The following RAG1 variants were observed in gnomAD, a reference collection of about 807,000 sequenced individuals.
RAG1 encodes the protein recombination activating 1.
RAG1 carries 35 observed loss-of-function variants against 62.7 expected under a neutral mutation model. The ratio of observed to expected loss-of-function variants is 0.56; its 90% CI spans 0.43 to 0.74. The LOEUF is 0.74. RAG1 is among the 30% of genes least tolerant of loss of function. The pLI is 0.00. For missense variants in RAG1, 1,169 were observed against 1,278.6 expected (o/e 0.91, Z 1.31); for synonymous variants, 461 against 470.3 (o/e 0.98, Z 0.26).
At chr11:36,551,138 T>A (rs57273606) in intron 3 of RAG1, among the ~76,000 whole-genome samples, 6,375 of 152,234 alleles carry the variant, frequency 0.042, 436 homozygotes, top group African/African-American at 0.14. Flanking sequence ...AGGATTTAGT[T>A]GGATGATTAA....
chr11:36,536,647 T>C (rs1564979082), downstream of RAG1, among the ~76,000 whole-genome samples: 2 of 147,614 alleles, frequency 1.4e-5, no homozygotes, highest in Admixed American at 6.8e-5. Context: ...AGAAGAAAAA[T>C]AGCATAGGTA....
downstream of RAG1, among the ~76,000 whole-genome samples, chr11:36,537,125 C>T (rs1860343138): frequency 6.6e-6 from 1 of 151,962 alleles, no homozygotes; most frequent in Non-Finnish European, 1.5e-5. Flanking sequence ...AATCATTTTC[C>T]TAACTTTAGT....
intron 2 of RAG1, among the ~76,000 whole-genome samples, chr11:36,534,701 CTG>C (rs1393812819): frequency 6.6e-6 from 1 of 152,168 alleles, no homozygotes; most frequent in Non-Finnish European, 1.5e-5. Flanking sequence ...AGAATTGTGA[CTG>C]TTTTGCAATC....
At chr11:36,528,695 C>T (rs2133253723) in intron 2 of RAG1, among the ~76,000 whole-genome samples, 1 of 152,006 alleles carries the variant, frequency 6.6e-6, no homozygotes, top group South Asian at 2.1e-4. Flanking sequence ...TCAAAAAAAT[C>T]AATGAATCCA....
chr11:36,549,982 G>GCA (rs1221561541), intron 3 of RAG1, among the ~76,000 whole-genome samples: 1 of 152,082 alleles, frequency 6.6e-6, no homozygotes, highest in Admixed American at 6.6e-5. Context: ...AGATAAAGCT[G>GCA]GAAACCATCA....
intron 3 of RAG1, among the ~76,000 whole-genome samples, chr11:36,560,445 T>C (rs1272751871): frequency 6.6e-6 from 1 of 152,162 alleles, no homozygotes; most frequent in African/African-American, 2.4e-5. Context: ...AGTCTTGGAT[T>C]CCTGGCTTTG....
In RAG1 at chr11:36,573,351, A is replaced by G. The variant is rs751834545; in HGVS notation, c.47A>G (p.Asp16Gly). 1.4e-5 allele frequency: 23 copies of G among 1,614,072 alleles called. No individual in the cohort carries two copies. The Admixed American group carries it at 3.8e-4, about 27-fold the overall frequency. ...ACCTTGGGACTCAGTTCTGCCCCAG[A>G]TGAAATTCAGCACCCACATATTAAA... ...PPTLGLSSAP[D>G]EIQHPHIKFS... Residue 16 changes from aspartate (D) to glycine (G), a missense_variant, in exon 2 of 2, where the codon GAT (aspartate) becomes GGT (glycine). Physicochemically the swap from Asp to Gly is moderately conservative, Grantham distance 94. Coordinates refer to ENST00000299440, the MANE Select transcript of RAG1 (RefSeq NM_000448.3).
intron 1 of RAG1, among the ~76,000 whole-genome samples, chr11:36,517,296 C>A (rs995655939): frequency 6.6e-6 from 1 of 152,172 alleles, no homozygotes; most frequent in Non-Finnish European, 1.5e-5. Flanking sequence ...ACAGTATGAA[C>A]CAAATTGTCT....
chr11:36,546,144 TTC>T (rs1244711568), intron 3 of RAG1, among the ~76,000 whole-genome samples: 1 of 152,198 alleles, frequency 6.6e-6, no homozygotes, highest in Non-Finnish European at 1.5e-5. Flanking sequence ...CTTGTTAATT[TTC>T]TGTCTTGTTG....
At chr11:36,535,240 C>CATGT (rs1470932671) in intron 2 of RAG1, among the ~76,000 whole-genome samples, 1 of 151,614 alleles carries the variant, frequency 6.6e-6, no homozygotes, top group Non-Finnish European at 1.5e-5. Flanking sequence ...CAAGGTCTAT[C>CATGT]ATGTGATCAA....
chr11:36,579,253 C>T lies in RAG1; in HGVS notation c.*2817C>T, dbSNP rs188367509. On this transcript the variant is annotated 3_prime_UTR_variant, in exon 2 of 2. Coordinates refer to ENST00000299440, the MANE Select transcript of RAG1 (RefSeq NM_000448.3). ...GATAAGAGGCAGGATATATAAGCGC[C>T]AGTGGTAGTTGGGAGGAATAAACCA... 42 of 167,062 alleles carry T rather than the reference C, an allele frequency of 2.5e-4. No homozygotes were observed. The highest frequency in any genetic ancestry group is 7.7e-4 in the African/African-American group (32 of 41,514). The allele number at this position is 167,062 out of a possible 1,614,324, so 10.3% of individuals were successfully genotyped here. A position where few individuals can be genotyped will look rare whatever the true frequency, so the allele number is the denominator to read the frequency against.
At chr11:36,569,078 A>C (rs941450356) in intron 1 of RAG1, among the ~76,000 whole-genome samples, 4 of 152,208 alleles carry the variant, frequency 2.6e-5, no homozygotes, top group Non-Finnish European at 5.9e-5. Context: ...TTGTGGGCCA[A>C]GTAACGGGGT....
At chr11:36,523,372 A>G (rs1860111345) in intron 2 of RAG1, among the ~76,000 whole-genome samples, 1 of 152,184 alleles carries the variant, frequency 6.6e-6, no homozygotes, top group Non-Finnish European at 1.5e-5. Context: ...GCCTGCTGCC[A>G]TCCATGTAAG....
chr11:36,532,578 C>T (rs1335541722), intron 2 of RAG1, among the ~76,000 whole-genome samples: 3 of 152,050 alleles, frequency 2.0e-5, no homozygotes, highest in Non-Finnish European at 2.9e-5. Flanking sequence ...CATGATTAAC[C>T]GTGGCCCAAA....
chr11:36,522,150 C>T (rs550044072), intron 2 of RAG1, among the ~76,000 whole-genome samples: 1 of 152,320 alleles, frequency 6.6e-6, no homozygotes, highest in Non-Finnish European at 1.5e-5. Context: ...ATGTTAATCT[C>T]CAAGACAATG....
intron 1 of RAG1, among the ~76,000 whole-genome samples, chr11:36,568,921 A>G (rs1850698271): frequency 6.6e-6 from 1 of 152,222 alleles, no homozygotes; most frequent in African/African-American, 2.4e-5. Flanking sequence ...CATTTTTGAT[A>G]CATGATGTTT....
At chr11:36,521,686 G>A (rs1403681039) in intron 2 of RAG1, among the ~76,000 whole-genome samples, 1 of 152,176 alleles carries the variant, frequency 6.6e-6, no homozygotes, top group Non-Finnish European at 1.5e-5. Context: ...AGCTTGGAGG[G>A]CTCAGAAGAA....
At chr11:36,524,004 A>G (rs566250564) in intron 2 of RAG1, among the ~76,000 whole-genome samples, 2 of 152,180 alleles carry the variant, frequency 1.3e-5, no homozygotes, top group African/African-American at 2.4e-5. Flanking sequence ...CAAACTACTA[A>G]TCTGTTCTCT....
In RAG1 at chr11:36,578,735, C is replaced by T. The variant is rs1319133648; in HGVS notation, c.*2299C>T. The T allele has an allele frequency of 6.0e-6, 1 of 167,090 alleles. No individual in the cohort carries two copies. Among genetic ancestry groups the T allele is most frequent in the Non-Finnish European group, 1.5e-5 (1 of 68,122 alleles). 10.4% of individuals were successfully genotyped at this position (167,090 alleles called of 1,614,324 possible). On this transcript the variant is annotated 3_prime_UTR_variant, in exon 2 of 2. Transcript: ENST00000299440. Reference sequence around the variant, plus strand: ...GCAGGAATTTCAATATGTAGAAACGCTGCCTATGGTTTTTTGCCCTTACTG... The same window carrying T: ...GCAGGAATTTCAATATGTAGAAACGTTGCCTATGGTTTTTTGCCCTTACTG...
Sources: gnomAD v4.1 joint callset for allele counts (sites outside exome capture counted in the v4.1 genomes callset) on GRCh38, gnomAD v4.1.1 for gene constraint, MANE v1.5 for transcripts, NCBI Gene and HGNC (gene_info 2026-07-23, HGNC 2026-07-21) for gene names.